The following PRKG1 variants were observed in gnomAD, a reference collection of about 807,000 sequenced individuals.
The protein encoded by PRKG1 is cGMP-dependent protein kinase 1.
A neutral mutation model predicts 88.1 loss-of-function variants in PRKG1; 35 were observed. The observed-to-expected ratio is 0.40, with a 90% CI of 0.30 to 0.53. PRKG1 has a LOEUF of 0.53. Ranked by LOEUF, PRKG1 falls within the 20% of genes least tolerant of loss-of-function variation. The pLI is 0.59. For synonymous variants in PRKG1, 303 were observed against 292.5 expected (o/e 1.04, Z -0.37); for missense variants, 540 against 839.8 (o/e 0.64, Z 4.41).
chr10:51,296,061 T>C (rs1840713427), intron 2 of PRKG1, among the ~76,000 whole-genome samples: 1 of 152,130 alleles, frequency 6.6e-6, no homozygotes, highest in Admixed American at 6.6e-5. Flanking sequence ...TAATGTTCTG[T>C]TGAATGCTGT....
chr10:51,605,224 G>T (rs1838731460), intron 3 of PRKG1, among the ~76,000 whole-genome samples: 1 of 152,168 alleles, frequency 6.6e-6, no homozygotes, highest in Admixed American at 6.5e-5. Context: ...AAGATCTCAG[G>T]TTTATATGGG....
intron 5 of PRKG1, among the ~76,000 whole-genome samples, chr10:51,947,810 T>G (rs59760939): frequency 0.084 from 12,682 of 151,806 alleles, 1,451 homozygotes; most frequent in African/African-American, 0.26. Context: ...TAGCAAGATT[T>G]GGGGTGGAGA....
intron 2 of PRKG1, among the ~76,000 whole-genome samples, chr10:51,205,515 T>C (rs564672807): frequency 6.6e-6 from 1 of 151,978 alleles, no homozygotes; most frequent in East Asian, 1.9e-4. Flanking sequence ...TTTCACATTT[T>C]GTATTGGGTA....
chr10:51,398,158 T>G (rs1208562488), intron 2 of PRKG1, among the ~76,000 whole-genome samples: 1 of 152,160 alleles, frequency 6.6e-6, no homozygotes, highest in Non-Finnish European at 1.5e-5. Flanking sequence ...CCAACCTTTT[T>G]GGCACCAGGG....
chr10:52,056,278 G>T (rs1434813012), intron 6 of PRKG1, among the ~76,000 whole-genome samples: 5 of 152,148 alleles, frequency 3.3e-5, no homozygotes, highest in African/African-American at 1.2e-4. Context: ...AAATCGCCAT[G>T]GATGTAAATT....
chr10:51,224,972 A>G (rs1838651434), intron 2 of PRKG1, among the ~76,000 whole-genome samples: 1 of 152,224 alleles, frequency 6.6e-6, no homozygotes, highest in Non-Finnish European at 1.5e-5. Flanking sequence ...TCCAAAGAGC[A>G]TATAAATTTA....
chr10:51,787,591 G>A (rs1218385499), intron 3 of PRKG1, among the ~76,000 whole-genome samples: 1 of 152,090 alleles, frequency 6.6e-6, no homozygotes, highest in African/African-American at 2.4e-5. Context: ...ACTCTGCTGT[G>A]TATATTTATA....
chr10:50,995,689 C>T (rs184978571), intron 1 of PRKG1, among the ~76,000 whole-genome samples: 13 of 152,254 alleles, frequency 8.5e-5, no homozygotes, highest in Admixed American at 8.5e-4. Context: ...ACCCAAACTC[C>T]TTATTTTGGC....
chr10:51,426,420 A>G (rs1004103810), intron 2 of PRKG1, among the ~76,000 whole-genome samples: 1 of 152,222 alleles, frequency 6.6e-6, no homozygotes, highest in East Asian at 1.9e-4. Flanking sequence ...AGTCCTTTCT[A>G]TAAGCAGTAG....
At chr10:52,270,433 C>A (rs558323312) in intron 10 of PRKG1, among the ~76,000 whole-genome samples, 2 of 151,772 alleles carry the variant, frequency 1.3e-5, no homozygotes, top group Non-Finnish European at 2.9e-5. Context: ...ATGTTTATTG[C>A]GGCACTATTC....
chr10:51,860,930 G>A (rs1252429233), intron 4 of PRKG1, among the ~76,000 whole-genome samples: 2 of 152,166 alleles, frequency 1.3e-5, no homozygotes, highest in African/African-American at 2.4e-5. Flanking sequence ...GAACCAAAGT[G>A]ATGGCTGAAA....
intron 1 of PRKG1, among the ~76,000 whole-genome samples, chr10:51,106,986 G>A (rs978436420): frequency 6.6e-6 from 1 of 152,208 alleles, no homozygotes; most frequent in Non-Finnish European, 1.5e-5. Flanking sequence ...AATGCAGATG[G>A]TAACAAATGT....
chr10:52,028,146 G>T (rs560131642), intron 5 of PRKG1, among the ~76,000 whole-genome samples: 2 of 147,634 alleles, frequency 1.4e-5, no homozygotes, highest in South Asian at 4.6e-4. Context: ...TTTTTCAAGG[G>T]TTACTATTCC....
chr10:51,597,641 C>T (rs1400634363), intron 3 of PRKG1, among the ~76,000 whole-genome samples: 1 of 152,160 alleles, frequency 6.6e-6, no homozygotes. Flanking sequence ...ACTTCAGAAG[C>T]TTCCATACAG....
intron 1 of PRKG1, among the ~76,000 whole-genome samples, chr10:51,022,472 T>C (rs1484707776): frequency 2.0e-5 from 3 of 152,196 alleles, no homozygotes; most frequent in Non-Finnish European, 1.5e-5. Context: ...GTCTTTTATT[T>C]TGTTGCCTCT....
At chr10:51,833,338 A>C (rs780954499) in intron 4 of PRKG1, among the ~76,000 whole-genome samples, 1 of 152,206 alleles carries the variant, frequency 6.6e-6, no homozygotes, top group African/African-American at 2.4e-5. Context: ...GTCATTGAGC[A>C]TATAGTAATC....
chr10:51,599,760 A>G (rs566312253), intron 3 of PRKG1, among the ~76,000 whole-genome samples: 1 of 152,192 alleles, frequency 6.6e-6, no homozygotes, highest in South Asian at 2.1e-4. Flanking sequence ...GTTTCTGTAA[A>G]GCCATATTTT....
intron 3 of PRKG1, among the ~76,000 whole-genome samples, chr10:51,531,404 G>A (rs1011458204): frequency 4.6e-5 from 7 of 152,036 alleles, no homozygotes; most frequent in Non-Finnish European, 7.4e-5. Context: ...CTGAAGCTCC[G>A]GTTGTAGAAT....
intron 5 of PRKG1, among the ~76,000 whole-genome samples, chr10:51,953,035 A>G (rs996699992): frequency 6.6e-6 from 1 of 152,192 alleles, no homozygotes; most frequent in African/African-American, 2.4e-5. Context: ...GCTCAAATGC[A>G]TACATTTTGT....
Sources: gnomAD v4.1 joint callset for allele counts (sites outside exome capture counted in the v4.1 genomes callset) on GRCh38, gnomAD v4.1.1 for gene constraint, MANE v1.5 for transcripts, NCBI Gene and HGNC (gene_info 2026-07-23, HGNC 2026-07-21) for gene names.